The following PRR16 variants were observed in gnomAD, a reference collection of about 807,000 sequenced individuals.
PRR16 encodes the protein protein Largen.
In PRR16, 6 loss-of-function variants were observed where a neutral mutation model predicts 18.2. The ratio of observed to expected loss-of-function variants is 0.33; its 90% CI spans 0.18 to 0.65. The LOEUF is 0.65. Ranked by LOEUF, PRR16 falls within the 30% of genes least tolerant of loss-of-function variation. The probability of loss-of-function intolerance (pLI) is 0.74; values close to 1 mark genes in which losing one functional copy is unlikely to be tolerated. For synonymous variants in PRR16, 151 were observed against 147.8 expected, an observed-to-expected ratio of 1.02 and a Z score of -0.16; for missense variants, 412 against 376.6, an observed-to-expected ratio of 1.09 and a Z score of -0.78.
At chr5:120,526,980 A>C (rs1217572480) in intron 1 of PRR16, among the ~76,000 whole-genome samples, 1 of 152,190 alleles carries the variant, frequency 6.6e-6, no homozygotes, top group Non-Finnish European at 1.5e-5. Flanking sequence ...CATCTTGTTT[A>C]GCTGAAGCTT....
intron 1 of PRR16, among the ~76,000 whole-genome samples, chr5:120,516,854 T>C (rs1234794327): frequency 6.6e-6 from 1 of 152,162 alleles, no homozygotes; most frequent in East Asian, 1.9e-4. Context: ...GCTGCTTTAT[T>C]TCCCGTTTTA....
the PRR16 span, among the ~76,000 whole-genome samples, chr5:120,694,195 GTTT>G: frequency 6.6e-6 from 1 of 152,062 alleles, no homozygotes; most frequent in Non-Finnish European, 1.5e-5. Context: ...ATGGTGGATT[GTTT>G]TTTATTTGCC....
At chr5:120,769,332 G>T in the PRR16 span, among the ~76,000 whole-genome samples, 2 of 151,646 alleles carry the variant, frequency 1.3e-5, no homozygotes, top group Non-Finnish European at 3.0e-5. Context: ...AAGTTTTCTT[G>T]TGTCTCCCCC....
the PRR16 span, among the ~76,000 whole-genome samples, chr5:120,742,205 T>G: frequency 6.6e-6 from 1 of 151,342 alleles, no homozygotes; most frequent in Non-Finnish European, 1.5e-5. Context: ...GCTAATGTAA[T>G]GAACATGTTA....
chr5:120,714,549 A>G, the PRR16 span, among the ~76,000 whole-genome samples: 1 of 151,412 alleles, frequency 6.6e-6, no homozygotes, highest in Non-Finnish European at 1.5e-5. Flanking sequence ...GAGAATATTA[A>G]TTAGTTCAAC....
At chr5:120,558,507 C>T (rs545385852) in intron 1 of PRR16, among the ~76,000 whole-genome samples, 4 of 151,880 alleles carry the variant, frequency 2.6e-5, no homozygotes, top group Non-Finnish European at 5.9e-5. Flanking sequence ...AAATAGTACT[C>T]CGTTGTGTAT....
chr5:120,729,804 T>A, the PRR16 span, among the ~76,000 whole-genome samples: 1 of 152,004 alleles, frequency 6.6e-6, no homozygotes, highest in African/African-American at 2.4e-5. Flanking sequence ...AAAACTGCCA[T>A]TGGTTTGATC....
intron 1 of PRR16, among the ~76,000 whole-genome samples, chr5:120,561,420 G>A (rs530035816): frequency 1.5e-4 from 22 of 151,680 alleles, no homozygotes; most frequent in Non-Finnish European, 2.8e-4. Context: ...TCTTTGTTTT[G>A]TTGCCAACAT....
chr5:120,483,740 A>T (rs1749697156), intron 1 of PRR16, among the ~76,000 whole-genome samples: 1 of 152,158 alleles, frequency 6.6e-6, no homozygotes, highest in Non-Finnish European at 1.5e-5. Context: ...TTTTAAATTA[A>T]AAAATAAAAT....
chr5:120,689,047 G>A (rs909750136), downstream of PRR16, among the ~76,000 whole-genome samples: 1 of 152,114 alleles, frequency 6.6e-6, no homozygotes. Context: ...GCTTAGAAAT[G>A]TGAGTTAAAT....
At chr5:120,791,720 A>G in the PRR16 span, among the ~76,000 whole-genome samples, 8 of 152,096 alleles carry the variant, frequency 5.3e-5, no homozygotes, top group Admixed American at 1.3e-4. Flanking sequence ...AACTCAATCA[A>G]AAAGGGCTGT....
the PRR16 span, among the ~76,000 whole-genome samples, chr5:120,726,787 A>T: frequency 1.9e-4 from 29 of 152,166 alleles, no homozygotes; most frequent in African/African-American, 7.0e-4. Context: ...ATTCAGGGTC[A>T]ACTTGTCATA....
At chr5:120,724,585 A>G in the PRR16 span, among the ~76,000 whole-genome samples, 1 of 152,108 alleles carries the variant, frequency 6.6e-6, no homozygotes. Flanking sequence ...ATTTATGTTC[A>G]TATAGATTCC....
chr5:120,717,856 C>A, the PRR16 span, among the ~76,000 whole-genome samples: 13 of 152,094 alleles, frequency 8.5e-5, no homozygotes, highest in Non-Finnish European at 1.8e-4. Context: ...GAGGTTTGAT[C>A]TTTTAATATC....
chr5:120,578,608 T>C (rs1561555213), intron 1 of PRR16, among the ~76,000 whole-genome samples: 1 of 152,232 alleles, frequency 6.6e-6, no homozygotes, highest in Non-Finnish European at 1.5e-5. Context: ...TAGTATTCCA[T>C]GATGTATATG....
intron 1 of PRR16, among the ~76,000 whole-genome samples, chr5:120,552,638 T>A (rs1752289215): frequency 6.6e-6 from 1 of 151,972 alleles, no homozygotes; most frequent in African/African-American, 2.4e-5. Flanking sequence ...AAACTAGTAT[T>A]TTTCATATAT....
chr5:120,545,491 T>C (rs1561539913), intron 1 of PRR16, among the ~76,000 whole-genome samples: 1 of 152,078 alleles, frequency 6.6e-6, no homozygotes, highest in Non-Finnish European at 1.5e-5. Context: ...GCTCACCTTA[T>C]ACTTTTTATT....
chr5:120,759,202 T>A, the PRR16 span, among the ~76,000 whole-genome samples: 1 of 151,992 alleles, frequency 6.6e-6, no homozygotes, highest in Non-Finnish European at 1.5e-5. Flanking sequence ...GGTATTGATC[T>A]CCTGACCTCA....
chr5:120,486,010 T>C (rs1188334346), intron 1 of PRR16, among the ~76,000 whole-genome samples: 2 of 152,184 alleles, frequency 1.3e-5, no homozygotes, highest in Admixed American at 1.3e-4. Flanking sequence ...TAGTATTCCA[T>C]GGTGTATATG....
Sources: allele counts gnomAD v4.1 joint callset (sites outside exome capture counted in the v4.1 genomes callset), GRCh38; gene constraint gnomAD v4.1.1; transcripts MANE v1.5; gene names NCBI Gene and HGNC (gene_info 2026-07-23, HGNC 2026-07-21).